The following LRFN5 variants were observed in gnomAD, a reference collection of about 807,000 sequenced individuals.
LRFN5 encodes leucine-rich repeat and fibronectin type-III domain-containing protein 5.
In LRFN5, 24 loss-of-function variants were observed where a neutral mutation model predicts 45.6. That is an observed-to-expected ratio of 0.53 (90% confidence interval 0.38 to 0.74). LRFN5 has a LOEUF of 0.74. Ranked by LOEUF, LRFN5 falls within the 30% of genes least tolerant of loss-of-function variation. The pLI, the probability that LRFN5 is intolerant of heterozygous loss-of-function variation, is 0.00. For synonymous variants in LRFN5, 340 were observed against 313.8 expected (o/e 1.08, Z -0.88); for missense variants, 776 against 861.5 (o/e 0.90, Z 1.24).
chr14:41,650,814 C>T (rs1880075885), intron 1 of LRFN5, among the ~76,000 whole-genome samples: 1 of 148,338 alleles, frequency 6.7e-6, no homozygotes, highest in South Asian at 2.2e-4. Flanking sequence ...CACTAATATG[C>T]TCTTAAGTAA....
At chr14:41,767,358 A>G (rs1293284099) in intron 2 of LRFN5, among the ~76,000 whole-genome samples, 2 of 152,178 alleles carry the variant, frequency 1.3e-5, no homozygotes, top group African/African-American at 2.4e-5. Flanking sequence ...GCAAATGAAT[A>G]AAAAGGTTCA....
chr14:41,681,850 A>C (rs1881909718), intron 1 of LRFN5, among the ~76,000 whole-genome samples: 1 of 112,392 alleles, frequency 8.9e-6, no homozygotes, highest in African/African-American at 3.8e-5. Flanking sequence ...ATGGAGTCTC[A>C]CTCTGTCGCC....
chr14:41,755,136 G>A (rs1384198626), intron 1 of LRFN5, among the ~76,000 whole-genome samples: 1 of 152,130 alleles, frequency 6.6e-6, no homozygotes, highest in Non-Finnish European at 1.5e-5. Flanking sequence ...GAGACAGTTT[G>A]TTATAATTTC....
At chr14:41,768,367 G>A (rs188025992) in intron 2 of LRFN5, among the ~76,000 whole-genome samples, 2 of 152,206 alleles carry the variant, frequency 1.3e-5, no homozygotes, top group Admixed American at 1.3e-4. Flanking sequence ...TTATAAATGT[G>A]ATGATGGTGT....
chr14:41,752,344 A>G (rs1885171432), intron 1 of LRFN5, among the ~76,000 whole-genome samples: 1 of 152,170 alleles, frequency 6.6e-6, no homozygotes, highest in African/African-American at 2.4e-5. Context: ...CGCCACACTG[A>G]CTTCCACAAT....
intron 1 of LRFN5, among the ~76,000 whole-genome samples, chr14:41,636,868 G>C (rs1879330355): frequency 6.6e-6 from 1 of 152,144 alleles, no homozygotes; most frequent in African/African-American, 2.4e-5. Flanking sequence ...TGACTGCACA[G>C]GCCCCACTTG....
chr14:41,891,732 C>T lies in LRFN5; in HGVS notation c.1868C>T (p.Ser623Phe), dbSNP rs1390802380. The T allele has an allele frequency of 1.2e-6, 2 of 1,614,210 alleles. No individual in the cohort carries two copies. Among genetic ancestry groups the T allele is most frequent in the Admixed American group, 1.7e-5 (1 of 60,026 alleles). The change falls in exon 4 of 6, where the codon TCT (serine) becomes TTT (phenylalanine). Residue 623 changes from serine to phenylalanine, a missense_variant. Physicochemically the swap from Ser to Phe is radical, Grantham distance 155. This residue lies in a region of LRFN5 where 465 missense variants were observed against 456.4 expected (regional missense o/e 1.02). Coordinates refer to ENST00000298119, the MANE Select transcript of LRFN5 (RefSeq NM_152447.5). ...GAAACTTGTTCGAGTCAGGACTCCT[C>T]TACCACTACCTCTGCTTTGCCTCCT... ...SSETCSSQDS[S>F]TTTSALPPSW...
chr14:41,783,141 C>T (rs77236983), intron 2 of LRFN5, among the ~76,000 whole-genome samples: 1,711 of 151,960 alleles, frequency 0.011, 11 homozygotes, highest in Admixed American at 0.019. Flanking sequence ...GTTACTTTTC[C>T]CCTTTCCCTG....
intron 1 of LRFN5, among the ~76,000 whole-genome samples, chr14:41,645,093 A>T (rs1296633127): frequency 6.6e-6 from 1 of 152,184 alleles, no homozygotes; most frequent in Non-Finnish European, 1.5e-5. Flanking sequence ...TTATGCTTCA[A>T]TTCCTTCAAC....
In LRFN5 at chr14:41,727,462, A is replaced by G. The variant is rs74766954; in HGVS notation, c.-196-39392A>G. On this transcript the variant is annotated intron_variant, in intron 1 of 5. Transcript: ENST00000298119. ...TCTATAAATAAATAAATAAATAAATAGGAAAGAAAAAAAATTAGCCAGTCA... is the reference window on the plus strand; with the variant it reads ...TCTATAAATAAATAAATAAATAAATGGGAAAGAAAAAAAATTAGCCAGTCA... Among the ~76,000 whole-genome samples the G allele has an allele frequency of 6.5e-3, 964 of 148,094 alleles. 14 individuals are homozygous for G. The highest frequency in any genetic ancestry group is 0.023 in the African/African-American group (940 of 41,284).
intron 2 of LRFN5, among the ~76,000 whole-genome samples, chr14:41,802,328 A>G (rs1887362830): frequency 6.6e-6 from 1 of 152,056 alleles, no homozygotes; most frequent in African/African-American, 2.4e-5. Flanking sequence ...CTAAGAGAAA[A>G]CATCAGAGGC....
chr14:41,644,211 T>A (rs1879708827), intron 1 of LRFN5, among the ~76,000 whole-genome samples: 1 of 152,194 alleles, frequency 6.6e-6, no homozygotes. Context: ...TTATAACCAG[T>A]TTTGATAATA....
chr14:41,658,006 T>C (rs1201259913), intron 1 of LRFN5, among the ~76,000 whole-genome samples: 1 of 151,926 alleles, frequency 6.6e-6, no homozygotes, highest in Non-Finnish European at 1.5e-5. Flanking sequence ...TCTACCTGTT[T>C]ACAAAGCTCT....
rs534130403 is a variant in LRFN5, at chr14:41,854,683, A to T, written c.-20-31923A>T. 2.0e-5 allele frequency among the ~76,000 whole-genome samples: 3 copies of T among 152,266 alleles called. No homozygotes were observed. In the South Asian group the frequency reaches 6.2e-4, roughly 32 times the overall value. On this transcript the variant is annotated intron_variant, in intron 2 of 5. Transcript: ENST00000298119. The stretch of plus-strand genomic sequence containing the variant: ...AGTTAGTGTAATTGGAGGAAAGAAG[A>T]AATTGAGCAAATGTACAGTGCATTG...
intron 2 of LRFN5, among the ~76,000 whole-genome samples, chr14:41,840,922 A>G (rs1888836399): frequency 1.3e-5 from 2 of 152,012 alleles, no homozygotes; most frequent in South Asian, 4.1e-4. Context: ...GTAATATTTT[A>G]TTTTTTGGTT....
At position 41,886,916 on chromosome 14, in the gene LRFN5, C is replaced by T. The variant is rs1225456734; in HGVS notation, c.291C>T (p.Asp97=). ...ISFITPHAFA[D]LRNLRALHLN... ...TTATTACACCTCATGCTTTCGCTGA[C>T]CTACGAAATTTGAGGGCTTTGCATT... Residue 97 remains aspartate (D), a synonymous_variant, in exon 3 of 6, where the codon GAC becomes GAT. Coordinates refer to ENST00000298119, the MANE Select transcript of LRFN5 (RefSeq NM_152447.5). 2 of 1,614,200 alleles carry T rather than the reference C, an allele frequency of 1.2e-6. No homozygotes were observed. Among genetic ancestry groups the T allele is most frequent in the Middle Eastern group, 1.6e-4 (1 of 6,062 alleles).
At chr14:41,729,189 G>A (rs1261681685) in intron 1 of LRFN5, among the ~76,000 whole-genome samples, 2 of 152,102 alleles carry the variant, frequency 1.3e-5, no homozygotes, top group Admixed American at 1.3e-4. Flanking sequence ...TGGTTTAGGG[G>A]GTCAGATCCC....
intron 1 of LRFN5, among the ~76,000 whole-genome samples, chr14:41,652,550 A>G (rs1294417485): frequency 6.6e-6 from 1 of 152,216 alleles, no homozygotes; most frequent in Non-Finnish European, 1.5e-5. Context: ...TACAAGGAAG[A>G]GAATAAAATA....
At chr14:41,745,460 A>G (rs1884883588) in intron 1 of LRFN5, among the ~76,000 whole-genome samples, 1 of 152,082 alleles carries the variant, frequency 6.6e-6, no homozygotes, top group Non-Finnish European at 1.5e-5. Context: ...ACCCAACTTT[A>G]CAATTTCTGG....
Sources: gnomAD v4.1 joint callset for allele counts (sites outside exome capture counted in the v4.1 genomes callset) on GRCh38, gnomAD v4.1.1 for gene constraint, gnomAD v4.1.1 regional missense constraint, MANE v1.5 for transcripts, NCBI Gene and HGNC (gene_info 2026-07-23, HGNC 2026-07-21) for gene names.